The following SDK1 variants were observed in gnomAD, a reference collection of about 807,000 sequenced individuals.
SDK1 encodes protein sidekick-1.
A neutral mutation model predicts 245.5 loss-of-function variants in SDK1; 157 were observed. That is an observed-to-expected ratio of 0.64 (90% CI 0.56 to 0.73). The LOEUF is 0.73. Ranked by LOEUF, SDK1 falls within the 30% of genes least tolerant of loss-of-function variation. SDK1 has a pLI of 0.00. For synonymous variants in SDK1, 1,647 were observed against 1,278.5 expected, an observed-to-expected ratio of 1.29 and a Z score of -6.15; for missense variants, 3,583 against 3,002.3, an observed-to-expected ratio of 1.19 and a Z score of -4.52.
chr7:3,824,011 A>G (rs1436493021), intron 5 of SDK1, among the ~76,000 whole-genome samples: 1 of 150,802 alleles, frequency 6.6e-6, no homozygotes, highest in Non-Finnish European at 1.5e-5. Context: ...TCTAAAAGTC[A>G]GAAGTCTTGA....
At chr7:3,462,443 C>G (rs1299154849) in intron 1 of SDK1, among the ~76,000 whole-genome samples, 1 of 152,180 alleles carries the variant, frequency 6.6e-6, no homozygotes. Flanking sequence ...AACCTACAAT[C>G]TTTTCCTAAG....
In SDK1 at chr7:4,238,950, C is replaced by T. The variant is rs1786357786; in HGVS notation, c.6130+1166C>T. Among the ~76,000 whole-genome samples the T allele has an allele frequency of 3.3e-5, 5 of 152,212 alleles. 1 individual carries two copies. Among genetic ancestry groups the T allele is most frequent in the Admixed American group, 3.3e-4 (5 of 15,288 alleles). On this transcript the variant is annotated intron_variant, in intron 42 of 44. Coordinates refer to ENST00000404826, the MANE Select transcript of SDK1 (RefSeq NM_152744.4). ...ACAGTGACCTGGGGCACTGCTCAGACGTTGATGTTTTGCTGTGGCTCAGAG... is the reference window on the plus strand; with the variant it reads ...ACAGTGACCTGGGGCACTGCTCAGATGTTGATGTTTTGCTGTGGCTCAGAG...
At chr7:3,502,802 T>G (rs1323203138) in intron 1 of SDK1, among the ~76,000 whole-genome samples, 1 of 152,230 alleles carries the variant, frequency 6.6e-6, no homozygotes, top group Non-Finnish European at 1.5e-5. Flanking sequence ...GTGAGAGGGC[T>G]GTTTTTTAGA....
At position 4,233,335 on chromosome 7, in the gene SDK1, C is replaced by A; in HGVS notation, c.5908C>A (p.Gln1970Lys). The change falls in exon 41 of 45, where the codon CAA becomes AAA. Residue 1970 changes from glutamine (Q) to lysine (K), a missense_variant. Transcript: ENST00000404826. The stretch of plus-strand genomic sequence containing the variant: ...CACCCTCAGCCTGGATAAGCTCCGG[C>A]AAGGAGTGACTTACGAGTTCCGGGT... ...SYTLSLDKLR[Q>K]GVTYEFRVVA... The A allele has an allele frequency of 1.2e-6, 2 of 1,613,934 alleles. No homozygotes were observed. The highest frequency in any genetic ancestry group is 1.7e-5 in the Admixed American group (1 of 60,034).
intron 1 of SDK1, among the ~76,000 whole-genome samples, chr7:3,399,378 A>G (rs528943593): frequency 1.3e-5 from 2 of 152,250 alleles, no homozygotes; most frequent in East Asian, 1.9e-4. Context: ...AAGTATGAGC[A>G]TGATGGTTTC....
chr7:3,569,852 G>A (rs1420254605), intron 1 of SDK1, among the ~76,000 whole-genome samples: 9 of 152,204 alleles, frequency 5.9e-5, no homozygotes, highest in Non-Finnish European at 8.8e-5. Context: ...TTTGTGACAC[G>A]CAGTTGGTAC....
In SDK1 at chr7:4,208,223, C is replaced by T; in HGVS notation, c.5339C>T (p.Ala1780Val). 2.5e-6 allele frequency: 4 copies of T among 1,614,104 alleles called. No homozygotes were observed. The highest frequency in any genetic ancestry group is 3.4e-6 in the Non-Finnish European group (4 of 1,180,012). ...SHTKYLVSIS[A>V]FNAAGDGPKS... ...ACCAAGTACCTGGTCAGCATATCAG[C>T]CTTCAACGCCGCCGGAGATGGACCT... Residue 1780 changes from alanine to valine, a missense_variant, in exon 37 of 45, where the codon GCC (alanine) becomes GTC (valine). Ala to Val is a moderately conservative substitution (Grantham distance 64). Coordinates refer to ENST00000404826, the MANE Select transcript of SDK1 (RefSeq NM_152744.4).
chr7:4,065,559 A>G (rs1051226318), intron 19 of SDK1, among the ~76,000 whole-genome samples: 2 of 152,164 alleles, frequency 1.3e-5, no homozygotes, highest in African/African-American at 4.8e-5. Context: ...GAGGCTCACA[A>G]TTGTGGGAGG....
chr7:4,132,261 TA>T, intron 27 of SDK1, 63 bp from the exon 28 acceptor site: 2 of 1,316,464 alleles, frequency 1.5e-6, no homozygotes, highest in Non-Finnish European at 2.2e-6. Flanking sequence ...GAATCCTGTG[TA>T]ACCTGTCACG....
intron 32 of SDK1, among the ~76,000 whole-genome samples, chr7:4,169,230 C>T (rs919147665): frequency 4.6e-5 from 7 of 152,222 alleles, no homozygotes; most frequent in African/African-American, 1.4e-4. Context: ...TCCATGGCTC[C>T]GGTGGATTGG....
At chr7:3,946,799 A>T (rs772983765) in intron 5 of SDK1, among the ~76,000 whole-genome samples, 5 of 152,180 alleles carry the variant, frequency 3.3e-5, no homozygotes, top group Non-Finnish European at 5.9e-5. Flanking sequence ...CACACCAAAC[A>T]GGAAAGGGAA....
intron 1 of SDK1, among the ~76,000 whole-genome samples, chr7:3,379,378 T>C (rs1050425856): frequency 6.6e-6 from 1 of 152,096 alleles, no homozygotes. Flanking sequence ...GGAGAGGGGT[T>C]GCCATGGAAG....
At chr7:3,716,211 A>G (rs1785198208) in intron 4 of SDK1, among the ~76,000 whole-genome samples, 1 of 152,044 alleles carries the variant, frequency 6.6e-6, no homozygotes, top group African/African-American at 2.4e-5. Flanking sequence ...GAGAAAGAAA[A>G]TTGGGACTGA....
At position 3,723,451 on chromosome 7, in the gene SDK1, T is replaced by A. The variant is rs535678982; in HGVS notation, c.713+81346T>A. Among the ~76,000 whole-genome samples the A allele has an allele frequency of 2.0e-5, 3 of 152,304 alleles. No homozygotes were observed. The East Asian group carries it at 5.8e-4, about 29-fold the overall frequency. On this transcript the variant is annotated intron_variant, in intron 4 of 44. Transcript: ENST00000404826. ...TAAGGGGATCTCCCTGTGGATGGGGTAAGTTAAAAGAGATTATTTCTTCAG... is the reference window on the plus strand; with the variant it reads ...TAAGGGGATCTCCCTGTGGATGGGGAAAGTTAAAAGAGATTATTTCTTCAG...
In SDK1 at chr7:4,017,285, G is replaced by T. The variant is rs745748633; in HGVS notation, c.2535G>T (p.Val845=). 1 of 1,614,082 alleles carries T rather than the reference G, an allele frequency of 6.2e-7. No homozygotes were observed. Among genetic ancestry groups the T allele is most frequent in the East Asian group, 2.2e-5 (1 of 44,870 alleles). ...TCTGGACACAGTATGAGATACAGGT[G>T]GCGGCGTACAACGGGGCCGGTCTGG... ...LIIWTQYEIQ[V]AAYNGAGLGV... Residue 845 remains valine (V), a synonymous_variant, in exon 17 of 45, where the codon GTG becomes GTT. Coordinates refer to ENST00000404826, the MANE Select transcript of SDK1 (RefSeq NM_152744.4).
At chr7:3,733,810 A>G (rs550269871) in intron 4 of SDK1, among the ~76,000 whole-genome samples, 3 of 152,204 alleles carry the variant, frequency 2.0e-5, no homozygotes, top group African/African-American at 7.2e-5. Context: ...TGTAACACTC[A>G]TAACGCCGAT....
intron 1 of SDK1, among the ~76,000 whole-genome samples, chr7:3,354,728 T>C (rs1027348971): frequency 2.0e-5 from 3 of 152,254 alleles, no homozygotes; most frequent in African/African-American, 7.2e-5. Flanking sequence ...TGCTAGCTAA[T>C]ATGTTAACCC....
At chr7:3,739,401 C>A (rs952764334) in intron 4 of SDK1, among the ~76,000 whole-genome samples, 1 of 151,886 alleles carries the variant, frequency 6.6e-6, no homozygotes, top group African/African-American at 2.4e-5. Context: ...GTTACTTTCC[C>A]TTCCATCTTC....
intron 32 of SDK1, among the ~76,000 whole-genome samples, chr7:4,169,529 G>GGGA (rs1781705021): frequency 6.6e-6 from 1 of 152,178 alleles, no homozygotes; most frequent in Non-Finnish European, 1.5e-5. Flanking sequence ...TTATCCTCCA[G>GGGA]TTCTTCCTGG....
Sources: gnomAD v4.1 joint callset for allele counts (sites outside exome capture counted in the v4.1 genomes callset) on GRCh38, gnomAD v4.1.1 for gene constraint, MANE v1.5 for transcripts, NCBI Gene and HGNC (gene_info 2026-07-23, HGNC 2026-07-21) for gene names.